The following UGCG variants were observed in gnomAD, a reference collection of about 807,000 sequenced individuals.
UGCG encodes the protein UDP-glucose ceramide glucosyltransferase.
A neutral mutation model predicts 49.5 loss-of-function variants in UGCG; 10 were observed. The observed-to-expected ratio is 0.20, with a 90% confidence interval of 0.12 to 0.34. The LOEUF is 0.34. UGCG is among the 10% of genes least tolerant of loss of function. The pLI is 1.00. For missense variants in UGCG, 312 were observed against 483.7 expected, an observed-to-expected ratio of 0.65 and a Z score of 3.33; for synonymous variants, 182 against 158.2, an observed-to-expected ratio of 1.15 and a Z score of -1.13.
chr9:111,934,366 A>C lies in UGCG; in HGVS notation c.*1369A>C, dbSNP rs1250535418. 5 of 152,000 alleles carry C rather than the reference A, an allele frequency of 3.3e-5. No homozygotes were observed. The East Asian group carries it at 7.7e-4, about 23-fold the overall frequency. 9.4% of individuals were successfully genotyped at this position (152,000 alleles called of 1,614,324 possible). Reference sequence around the variant, plus strand: ...TGTTTTGTTTTGTTTTTTTAAAAAAAAAAAACAAAAATGTAAGGGACAGTG... The same window carrying C: ...TGTTTTGTTTTGTTTTTTTAAAAAACAAAAACAAAAATGTAAGGGACAGTG... On this transcript the variant is annotated 3_prime_UTR_variant, in exon 9 of 9. Coordinates refer to ENST00000374279, the MANE Select transcript of UGCG (RefSeq NM_003358.3).
At chr9:111,930,615 C>A (rs1240666980) in intron 6 of UGCG, among the ~76,000 whole-genome samples, 1 of 151,772 alleles carries the variant, frequency 6.6e-6, no homozygotes, top group Non-Finnish European at 1.5e-5. Flanking sequence ...TTATAGGCAC[C>A]CGCCGCCACA....
In UGCG at chr9:111,923,102, G is replaced by C. The variant is rs546984522; in HGVS notation, c.343+151G>C. The C allele has an allele frequency of 1.4e-5, 6 of 416,778 alleles. No individual in the cohort carries two copies. The South Asian group carries it at 3.8e-4, about 27-fold the overall frequency. 25.8% of individuals were successfully genotyped at this position (416,778 alleles called of 1,614,324 possible). ...AGGTGTTTACGTCCTTTTGAGAAAAGTTATAAAAACAAAGGTTTTTTTTTT... is the reference window on the plus strand; with the variant it reads ...AGGTGTTTACGTCCTTTTGAGAAAACTTATAAAAACAAAGGTTTTTTTTTT... On this transcript the variant is annotated intron_variant, in intron 3 of 8. Coordinates refer to ENST00000374279, the MANE Select transcript of UGCG (RefSeq NM_003358.3).
intron 6 of UGCG, among the ~76,000 whole-genome samples, chr9:111,930,459 G>C (rs375548644): frequency 1.2e-3 from 173 of 140,826 alleles, no homozygotes; most frequent in African/African-American, 4.3e-3. Flanking sequence ...CAAAATACTT[G>C]TTTTGTTTTG....
In UGCG at chr9:111,904,356, C is replaced by A. The variant is rs555981946; in HGVS notation, c.98+7043C>A. Among the ~76,000 whole-genome samples the A allele has an allele frequency of 5.9e-5, 9 of 152,308 alleles. No homozygotes were observed. The East Asian group carries it at 1.7e-3, about 29-fold the overall frequency. ...AAACCTGCATTGCGGTGCTGCCTGG[C>A]AGTGCTTTTTTTTCTGTGTTTAGCT... On this transcript the variant is annotated intron_variant, in intron 1 of 8. Coordinates refer to ENST00000374279, the MANE Select transcript of UGCG (RefSeq NM_003358.3).
Position 111,897,122 on chromosome 9 carries a change from C to G in UGCG, c.-94C>G. 1 of 1,070,740 alleles carries G rather than the reference C, an allele frequency of 9.3e-7. No individual in the cohort carries two copies. The allele number at this position is 1,070,740 out of a possible 1,614,324, so 66.3% of individuals were successfully genotyped here. A position where few individuals can be genotyped will look rare whatever the true frequency, so the allele number is the denominator to read the frequency against. ...CCCCACCTTCCTCTCGCCTCCCGCG[C>G]CCCCGCACCGGGCGCCCACCCTGTC... On this transcript the variant is annotated 5_prime_UTR_variant, in exon 1 of 9. Coordinates refer to ENST00000374279, the MANE Select transcript of UGCG (RefSeq NM_003358.3).
intron 1 of UGCG, among the ~76,000 whole-genome samples, chr9:111,904,254 T>C (rs967686137): frequency 1.3e-5 from 2 of 152,344 alleles, no homozygotes; most frequent in African/African-American, 2.4e-5. Context: ...CTGCTCAACT[T>C]TGAAAATCCT....
chr9:111,914,262 A>C (rs1838071291), intron 1 of UGCG, among the ~76,000 whole-genome samples: 1 of 152,200 alleles, frequency 6.6e-6, no homozygotes, highest in Middle Eastern at 3.2e-3. Flanking sequence ...GTCAGAGAGT[A>C]GTACATCATG....
rs891394375 is a variant in UGCG, at chr9:111,911,902, C to T, written c.99-2703C>T. 1.3e-3 allele frequency among the ~76,000 whole-genome samples: 42 copies of T among 32,772 alleles called. 1 individual carries two copies. Among genetic ancestry groups the T allele is most frequent in the African/African-American group, 5.7e-3 (41 of 7,162 alleles). The allele number at this position is 32,772 out of a possible 152,430, so 21.5% of individuals were successfully genotyped here. A position where few individuals can be genotyped will look rare whatever the true frequency, so the allele number is the denominator to read the frequency against. ...CCCTATCTCATATGTGTATATTCAA[C>T]AGGATATATATATATATATATATAT... is the stretch of plus-strand genomic sequence containing the variant. On this transcript the variant is annotated intron_variant, in intron 1 of 8. Transcript: ENST00000374279.
Position 111,932,329 on chromosome 9 carries a change from A to T in UGCG, c.984A>T (p.Ile328=). The T allele has an allele frequency of 6.2e-7, 1 of 1,614,096 alleles. No homozygotes were observed. Among genetic ancestry groups the T allele is most frequent in the Non-Finnish European group, 8.5e-7 (1 of 1,180,028 alleles). ...TGTGTCATTGCCTGGCATGGTTTAT[A>T]TTTGACTACATTCAACTCAGGGGTG... The part of the protein sequence containing the change: ...FFMCHCLAWF[I]FDYIQLRGVQ... The change falls in exon 8 of 9, where the codon ATA becomes ATT. Residue 328 remains isoleucine (I), a synonymous_variant. Coordinates refer to ENST00000374279, the MANE Select transcript of UGCG (RefSeq NM_003358.3).
At chr9:111,908,987 C>A (rs56226338) in intron 1 of UGCG, among the ~76,000 whole-genome samples, 1 of 152,056 alleles carries the variant, frequency 6.6e-6, no homozygotes, top group Non-Finnish European at 1.5e-5. Flanking sequence ...GGTGCGATCT[C>A]GGCTCACTGC....
At chr9:111,931,960 T>C (rs1191733747) in intron 7 of UGCG, 1 of 555,240 alleles carries the variant, frequency 1.8e-6, no homozygotes, top group East Asian at 3.1e-5. Context: ...GCCTGGGAGA[T>C]TGAAGCTACA....
At chr9:111,904,415 A>G (rs1244775339) in intron 1 of UGCG, among the ~76,000 whole-genome samples, 1 of 152,124 alleles carries the variant, frequency 6.6e-6, no homozygotes, top group Non-Finnish European at 1.5e-5. Context: ...CCTCTTCTAA[A>G]TCTTCATTCT....
chr9:111,921,828 T>TTTTTTTTTTTTTG (rs1838227949), intron 2 of UGCG, among the ~76,000 whole-genome samples: 3 of 134,396 alleles, frequency 2.2e-5, no homozygotes, highest in Non-Finnish European at 1.6e-5. Context: ...TTTTTTTTTT[T>TTTTTTTTTTTTTG]GAGGCAGGGT....
intron 2 of UGCG, among the ~76,000 whole-genome samples, chr9:111,919,988 G>C (rs1009753781): frequency 6.6e-6 from 1 of 152,106 alleles, no homozygotes; most frequent in Non-Finnish European, 1.5e-5. Context: ...ATTGTTTTGA[G>C]AGTCTGGATG....
intron 1 of UGCG, among the ~76,000 whole-genome samples, chr9:111,899,523 C>A (rs1837729413): frequency 6.6e-6 from 1 of 152,158 alleles, no homozygotes; most frequent in Non-Finnish European, 1.5e-5. Context: ...TGTTTTCTGT[C>A]ACATGTAGCA....
chr9:111,923,026 G>A, intron 3 of UGCG, 75 bp downstream of exon 3: 4 of 939,640 alleles, frequency 4.3e-6, no homozygotes, highest in Non-Finnish European at 6.5e-6. Flanking sequence ...TTGAACTGAA[G>A]ATTAAGGTGT....
intron 1 of UGCG, among the ~76,000 whole-genome samples, chr9:111,901,675 C>G (rs999973973): frequency 6.6e-6 from 1 of 152,148 alleles, no homozygotes; most frequent in Non-Finnish European, 1.5e-5. Context: ...TGCACATGTA[C>G]CCCTGAACTT....
At chr9:111,909,320 T>A (rs1018226191) in intron 1 of UGCG, among the ~76,000 whole-genome samples, 62 of 152,202 alleles carry the variant, frequency 4.1e-4, no homozygotes, top group Non-Finnish European at 5.7e-4. Flanking sequence ...TTTAAAAAAA[T>A]TTTTTTGAAA....
chr9:111,915,766 T>G (rs1838099575), intron 2 of UGCG: 1 of 984,868 alleles, frequency 1.0e-6, no homozygotes, highest in Admixed American at 6.2e-5. Flanking sequence ...TAGCCTTTAT[T>G]TTTCTCGGTA....
Sources: gnomAD v4.1 joint callset for allele counts (sites outside exome capture counted in the v4.1 genomes callset) on GRCh38, gnomAD v4.1.1 for gene constraint, MANE v1.5 for transcripts, NCBI Gene and HGNC (gene_info 2026-07-23, HGNC 2026-07-21) for gene names.